The following DNAJC5B variants were observed in gnomAD, a reference collection of about 807,000 sequenced individuals.
DNAJC5B encodes the protein dnaJ homolog subfamily C member 5B.
A neutral mutation model predicts 24.7 loss-of-function variants in DNAJC5B; 23 were observed. The ratio of observed to expected loss-of-function variants is 0.93; its 90% confidence interval spans 0.67 to 1.32. The LOEUF (loss-of-function observed/expected upper bound fraction) is 1.32, where lower values mean the gene tolerates loss of function less well. Ranked by LOEUF, DNAJC5B falls within the 40% of genes most tolerant of loss-of-function variation. The pLI is 0.00. For missense variants in DNAJC5B, 238 were observed against 240.8 expected (o/e 0.99, Z 0.08); for synonymous variants, 101 against 90.1 (o/e 1.12, Z -0.68).
intron 5 of DNAJC5B, among the ~76,000 whole-genome samples, chr8:66,094,063 A>C (rs1033974181): frequency 2.0e-5 from 3 of 152,088 alleles, no homozygotes; most frequent in African/African-American, 7.2e-5. Context: ...TTTTTTATGC[A>C]ATACCAAGCC....
chr8:66,085,770 C>T (rs1216126184), intron 5 of DNAJC5B, among the ~76,000 whole-genome samples: 3 of 151,922 alleles, frequency 2.0e-5, no homozygotes, highest in African/African-American at 4.8e-5. Flanking sequence ...ATTGTTTTGG[C>T]TCTTCTAGTA....
intron 5 of DNAJC5B, among the ~76,000 whole-genome samples, chr8:66,087,454 G>A (rs114176816): frequency 0.082 from 12,527 of 151,960 alleles, 871 homozygotes; most frequent in African/African-American, 0.18. Flanking sequence ...TTCACATTTC[G>A]AAACCAATCA....
At chr8:66,051,105 C>G (rs13256041) in intron 2 of DNAJC5B, among the ~76,000 whole-genome samples, 13,603 of 152,216 alleles carry the variant, frequency 0.089, 974 homozygotes, top group East Asian at 0.28. Context: ...ATTTGGACAA[C>G]ATCCCCCAGC....
the DNAJC5B span, among the ~76,000 whole-genome samples, chr8:66,015,881 TGA>T: frequency 6.6e-6 from 1 of 152,048 alleles, no homozygotes; most frequent in Non-Finnish European, 1.5e-5. Context: ...CAGAGATTGG[TGA>T]GAGTTTGCAA....
At chr8:66,029,714 G>C (rs118067463) in intron 1 of DNAJC5B, among the ~76,000 whole-genome samples, 2,125 of 152,254 alleles carry the variant, frequency 0.014, 20 homozygotes, top group Non-Finnish European at 0.022. Flanking sequence ...TAATTGATCG[G>C]CCTGGTTTAA....
rs570362669 is a variant in DNAJC5B, at chr8:66,095,446, A to G, written c.506-4491A>G. Among the ~76,000 whole-genome samples the G allele has an allele frequency of 1.4e-4, 21 of 151,752 alleles. No homozygotes were observed. The South Asian group carries it at 4.2e-3, about 30-fold the overall frequency. On this transcript the variant is annotated intron_variant, in intron 5 of 5. Coordinates refer to ENST00000276570, the MANE Select transcript of DNAJC5B (RefSeq NM_033105.6). ...TTTAACCATTCTCACCAGATGTCTT[A>G]CAATATTATCAGTCTTCTCAAATAA...
At chr8:66,088,393 A>G (rs1331745617) in intron 5 of DNAJC5B, among the ~76,000 whole-genome samples, 1 of 152,120 alleles carries the variant, frequency 6.6e-6, no homozygotes, top group Non-Finnish European at 1.5e-5. Context: ...AGGTCTGTAC[A>G]TGCCCTGGAG....
the DNAJC5B span, among the ~76,000 whole-genome samples, chr8:66,016,450 G>T: frequency 6.6e-6 from 1 of 152,154 alleles, no homozygotes; most frequent in Non-Finnish European, 1.5e-5. Flanking sequence ...CTGGGAAGAA[G>T]GTGCCTGCTC....
At chr8:66,098,975 GTCTC>G (rs889378643) in intron 5 of DNAJC5B, among the ~76,000 whole-genome samples, 8 of 149,904 alleles carry the variant, frequency 5.3e-5, no homozygotes, top group Admixed American at 5.3e-4. Flanking sequence ...TGTAATCTCT[GTCTC>G]TCTGTCTGTC....
intron 5 of DNAJC5B, among the ~76,000 whole-genome samples, chr8:66,094,215 A>G (rs1206799173): frequency 6.6e-6 from 1 of 152,084 alleles, no homozygotes; most frequent in Non-Finnish European, 1.5e-5. Flanking sequence ...GAATTCCCTA[A>G]GCAAAACTTT....
At chr8:66,057,576 G>A (rs1586087400) in intron 3 of DNAJC5B, 2 of 152,178 alleles carry the variant, frequency 1.3e-5, no homozygotes, top group African/African-American at 2.4e-5. Context: ...AGATTCAAGA[G>A]GCTGAGAGAA....
chr8:66,030,053 T>A (rs2128956138), intron 1 of DNAJC5B, among the ~76,000 whole-genome samples: 1 of 152,318 alleles, frequency 6.6e-6, no homozygotes, highest in South Asian at 2.1e-4. Context: ...TTATGTTTTC[T>A]AAAAAATATT....
intron 3 of DNAJC5B, among the ~76,000 whole-genome samples, chr8:66,068,330 TA>T (rs1807268879): frequency 6.6e-6 from 1 of 151,984 alleles, no homozygotes; most frequent in African/African-American, 2.4e-5. Context: ...AATTTTTTTT[TA>T]AAATCCTGAA....
chr8:66,022,362 C>G (rs1408100442), intron 1 of DNAJC5B, among the ~76,000 whole-genome samples: 1 of 152,166 alleles, frequency 6.6e-6, no homozygotes, highest in Non-Finnish European at 1.5e-5. Flanking sequence ...GTTCTGTTTA[C>G]CAGTGGGGCG....
chr8:66,096,647 T>C (rs1461064430), intron 5 of DNAJC5B, among the ~76,000 whole-genome samples: 1 of 152,152 alleles, frequency 6.6e-6, no homozygotes, highest in East Asian at 1.9e-4. Flanking sequence ...AATGCTTTTG[T>C]CTTATATCTT....
intron 1 of DNAJC5B, among the ~76,000 whole-genome samples, chr8:66,041,571 AG>A (rs1270323360): frequency 1.3e-5 from 2 of 152,226 alleles, no homozygotes; most frequent in Non-Finnish European, 2.9e-5. Flanking sequence ...TTCTATCTTA[AG>A]TTTCCTGCCT....
chr8:66,017,759 G>A (rs1204240658), upstream of DNAJC5B, among the ~76,000 whole-genome samples: 2 of 152,170 alleles, frequency 1.3e-5, no homozygotes, highest in Non-Finnish European at 2.9e-5. Flanking sequence ...CATCAATTGT[G>A]TTCATTCATT....
chr8:66,026,676 G>T (rs1402944855), intron 1 of DNAJC5B, among the ~76,000 whole-genome samples: 1 of 152,252 alleles, frequency 6.6e-6, no homozygotes, highest in Non-Finnish European at 1.5e-5. Context: ...GGCCTGTGAA[G>T]TCTGTGGAGG....
chr8:66,015,573 GAC>G, the DNAJC5B span, among the ~76,000 whole-genome samples: 1 of 147,102 alleles, frequency 6.8e-6, no homozygotes, highest in African/African-American at 2.6e-5. Flanking sequence ...GAGAGAGAGA[GAC>G]AGAGACAGAG....
Sources: gnomAD v4.1 joint callset for allele counts (sites outside exome capture counted in the v4.1 genomes callset) on GRCh38, gnomAD v4.1.1 for gene constraint, MANE v1.5 for transcripts, NCBI Gene and HGNC (gene_info 2026-07-23, HGNC 2026-07-21) for gene names.